PTPRT: variants seen among roughly 807,000 people sequenced by gnomAD.
The protein encoded by PTPRT is receptor-type tyrosine-protein phosphatase T.
A neutral mutation model predicts 176.8 loss-of-function variants in PTPRT; 56 were observed. That is an observed-to-expected ratio of 0.32 (90% CI 0.26 to 0.40). The LOEUF is 0.40. PTPRT is among the 10% of genes least tolerant of loss of function. The probability of loss-of-function intolerance (pLI) is 1.00; values close to 1 mark genes in which losing one functional copy is unlikely to be tolerated. For synonymous variants in PTPRT, 783 were observed against 739.0 expected (o/e 1.06, Z -0.96); for missense variants, 1,540 against 1,908.2 (o/e 0.81, Z 3.60).
chr20:42,366,597 T>C (rs1384908263), intron 9 of PTPRT, among the ~76,000 whole-genome samples: 1 of 152,206 alleles, frequency 6.6e-6, no homozygotes, highest in African/African-American at 2.4e-5. Context: ...CTACAAGCAA[T>C]GCCAGGGGCC....
chr20:42,990,391 G>T (rs1983838399), intron 1 of PTPRT, among the ~76,000 whole-genome samples: 1 of 152,136 alleles, frequency 6.6e-6, no homozygotes, highest in Non-Finnish European at 1.5e-5. Flanking sequence ...ATAAGTGACT[G>T]ATAATAAAAT....
At chr20:42,466,581 G>A (rs1446390330) in intron 8 of PTPRT, among the ~76,000 whole-genome samples, 1 of 152,128 alleles carries the variant, frequency 6.6e-6, no homozygotes, top group Admixed American at 6.5e-5. Flanking sequence ...ACTATTTTAT[G>A]TGTGTTTCAG....
At chr20:42,511,635 C>G (rs775016111) in intron 7 of PTPRT, among the ~76,000 whole-genome samples, 1 of 151,826 alleles carries the variant, frequency 6.6e-6, no homozygotes, top group Non-Finnish European at 1.5e-5. Context: ...ATAAAGATCA[C>G]GAAACACATG....
chr20:43,074,305 T>C (rs1235315934), intron 1 of PTPRT, among the ~76,000 whole-genome samples: 2 of 152,250 alleles, frequency 1.3e-5, no homozygotes, highest in Non-Finnish European at 2.9e-5. Flanking sequence ...ATAACGTCTA[T>C]TAATGATCAT....
chr20:42,780,314 G>A lies in PTPRT; in HGVS notation c.487-15C>T. 1 of 1,605,908 alleles carries A rather than the reference G, an allele frequency of 6.2e-7. No homozygotes were observed. On this transcript the variant is annotated splice_polypyrimidine_tract_variant and intron_variant, in intron 3 of 30. Coordinates refer to ENST00000373187, the MANE Select transcript of PTPRT (RefSeq NM_007050.6). The stretch of plus-strand genomic sequence containing the variant: ...TCAAATATCACCTGCAACACACAGG[G>A]CGGGAGTCAATTTCACAGAAACAGT...
At chr20:42,499,180 T>C (rs2071706012) in intron 7 of PTPRT, among the ~76,000 whole-genome samples, 1 of 152,194 alleles carries the variant, frequency 6.6e-6, no homozygotes, top group Non-Finnish European at 1.5e-5. Flanking sequence ...ACTGTACTAC[T>C]GTGGCAATTT....
At chr20:42,836,569 C>T (rs866145181) in intron 2 of PTPRT, among the ~76,000 whole-genome samples, 2 of 152,130 alleles carry the variant, frequency 1.3e-5, no homozygotes, top group African/African-American at 2.4e-5. Flanking sequence ...AAGACCTGGA[C>T]GCAGGCCAAC....
intron 1 of PTPRT, among the ~76,000 whole-genome samples, chr20:43,087,383 TTTTTTC>T (rs376657560): frequency 0.4 from 53,829 of 133,938 alleles, 12,495 homozygotes; most frequent in East Asian, 0.71. Context: ...TTTTTTTTTT[TTTTTTC>T]TCCGAAACAG....
chr20:42,915,683 T>C (rs1978696011), intron 1 of PTPRT, among the ~76,000 whole-genome samples: 1 of 152,128 alleles, frequency 6.6e-6, no homozygotes, highest in African/African-American at 2.4e-5. Flanking sequence ...GTGCAACCTC[T>C]CAAACTCGGC....
At chr20:42,255,045 A>G (rs950395574) in intron 13 of PTPRT, among the ~76,000 whole-genome samples, 4 of 152,126 alleles carry the variant, frequency 2.6e-5, no homozygotes, top group Non-Finnish European at 5.9e-5. Flanking sequence ...AGGCAGGGGA[A>G]TGTGTCATCA....
the PTPRT span, among the ~76,000 whole-genome samples, chr20:42,064,766 T>A: frequency 3.9e-5 from 6 of 152,224 alleles, no homozygotes; most frequent in African/African-American, 1.4e-4. Flanking sequence ...TTTATGAAAA[T>A]CTTTAATACT....
the PTPRT span, among the ~76,000 whole-genome samples, chr20:42,058,496 C>T: frequency 6.6e-6 from 1 of 152,250 alleles, no homozygotes; most frequent in African/African-American, 2.4e-5. Context: ...TTCTCCAAGC[C>T]CCTCACCGGC....
At chr20:42,406,409 T>C (rs1168179343) in intron 9 of PTPRT, among the ~76,000 whole-genome samples, 1 of 151,962 alleles carries the variant, frequency 6.6e-6, no homozygotes, top group Non-Finnish European at 1.5e-5. Context: ...TAATAAGAAA[T>C]TTGAGAATTT....
chr20:42,941,982 T>A (rs1980582459), intron 1 of PTPRT, among the ~76,000 whole-genome samples: 1 of 151,094 alleles, frequency 6.6e-6, no homozygotes, highest in Non-Finnish European at 1.5e-5. Flanking sequence ...GAGAAGTCAT[T>A]CCTCCCATTA....
intron 25 of PTPRT, among the ~76,000 whole-genome samples, chr20:42,104,249 C>T (rs1986217356): frequency 6.6e-6 from 1 of 152,076 alleles, no homozygotes; most frequent in South Asian, 2.1e-4. Context: ...TGGGAGGATT[C>T]CTTGAGCCCA....
In PTPRT at chr20:42,199,337, C is replaced by A; in HGVS notation, c.2394G>T (p.Met798Ile). Residue 798 changes from methionine (M) to isoleucine (I), a missense_variant, in exon 16 of 31, where the codon ATG becomes ATT. By Grantham distance (10) the Met-to-Ile change is conservative. This residue lies in a region of PTPRT where 255 missense variants were observed against 250.1 expected (regional missense o/e 1.02). Coordinates refer to ENST00000373187, the MANE Select transcript of PTPRT (RefSeq NM_007050.6). ...KETQSGAQRE[M>I]GPVASADKPT... ...GTTTGTCGGCAGAGGCCACAGGCCC[C>A]ATCTCCCTCTGGGCTCCACTCTGGG... is the stretch of plus-strand genomic sequence containing the variant. The A allele has an allele frequency of 6.2e-7, 1 of 1,614,158 alleles. No individual in the cohort carries two copies. The highest frequency in any genetic ancestry group is 1.1e-5 in the South Asian group (1 of 91,078).
chr20:42,837,935 A>G (rs141427022), intron 2 of PTPRT, among the ~76,000 whole-genome samples: 1 of 152,332 alleles, frequency 6.6e-6, no homozygotes, highest in East Asian at 1.9e-4. Context: ...ACAGATATCC[A>G]TCTGTCCTTT....
In PTPRT at chr20:42,085,499, G is replaced by T. The variant is rs1983796021; in HGVS notation, c.3972+229C>A. 2.0e-5 allele frequency among the ~76,000 whole-genome samples: 3 copies of T among 152,186 alleles called. No individual in the cohort carries two copies. In the South Asian group the frequency reaches 6.2e-4, roughly 32 times the overall value. On this transcript the variant is annotated intron_variant, in intron 28 of 30. Transcript: ENST00000373187. ...GTTTTGTCTACACGGCAGCAAGTGT[G>T]TCAGGAAACAGGCAGATGGCAGGTT...
At chr20:42,352,951 A>G (rs1312974239) in intron 9 of PTPRT, among the ~76,000 whole-genome samples, 2 of 152,232 alleles carry the variant, frequency 1.3e-5, no homozygotes, top group African/African-American at 4.8e-5. Context: ...TAAAAAAAAA[A>G]GAAACTAATT....
Sources: allele counts gnomAD v4.1 joint callset (sites outside exome capture counted in the v4.1 genomes callset), GRCh38; gene constraint gnomAD v4.1.1; regional missense constraint gnomAD v4.1.1; transcripts MANE v1.5; gene names NCBI Gene and HGNC (gene_info 2026-07-23, HGNC 2026-07-21).